The following PEX13 variants were observed in gnomAD, a reference collection of about 807,000 sequenced individuals.
PEX13 encodes peroxisomal biogenesis factor 13.
Under a neutral mutation model 34.5 loss-of-function variants are expected in PEX13, and 28 were observed. The ratio of observed to expected loss-of-function variants is 0.81; its 90% confidence interval spans 0.60 to 1.11. The LOEUF (loss-of-function observed/expected upper bound fraction) is 1.11. Among genes scored for constraint, PEX13 ranks in the 50% most tolerant of loss-of-function variants. The pLI is 0.00. For missense variants in PEX13, 550 were observed against 491.0 expected (o/e 1.12, Z -1.13); for synonymous variants, 177 against 175.1 (o/e 1.01, Z -0.09).
chr2:61,032,254 A>G, intron 2 of PEX13, 141 bp downstream of exon 2: 3 of 672,408 alleles, frequency 4.5e-6, no homozygotes. Flanking sequence ...AAACTGGCAG[A>G]GGAATATATA....
intron 1 of PEX13, chr2:61,018,116 A>T: frequency 6.5e-7 from 1 of 1,547,104 alleles, no homozygotes; most frequent in Non-Finnish European, 8.7e-7. Context: ...GCTTGAAAGA[A>T]AGGGGGGCGG....
intron 1 of PEX13, among the ~76,000 whole-genome samples, chr2:61,020,945 A>G (rs1211543235): frequency 6.6e-6 from 1 of 152,180 alleles, no homozygotes; most frequent in Non-Finnish European, 1.5e-5. Context: ...GTGAGTCACT[A>G]TGCCCAGCCC....
intron 2 of PEX13, among the ~76,000 whole-genome samples, chr2:61,037,464 ACACT>A (rs1559039760): frequency 1.3e-5 from 2 of 152,080 alleles, no homozygotes. Flanking sequence ...GGATTAATAA[ACACT>A]CAAAACCACA....
At chr2:61,017,879 G>C in intron 1 of PEX13, 28 bp downstream of exon 1, 1 of 1,543,840 alleles carries the variant, frequency 6.5e-7, no homozygotes, top group Non-Finnish European at 8.8e-7. Flanking sequence ...CAGGCTGTGA[G>C]TTTAGTGGGC....
intron 2 of PEX13, among the ~76,000 whole-genome samples, chr2:61,044,149 T>G (rs572916357): frequency 6.6e-6 from 1 of 152,266 alleles, no homozygotes; most frequent in South Asian, 2.1e-4. Flanking sequence ...GAGATTCCAC[T>G]GTGTTGCTCA....
At chr2:61,019,070 C>T (rs918397629) in intron 1 of PEX13, 2 of 152,270 alleles carry the variant, frequency 1.3e-5, no homozygotes, top group East Asian at 3.7e-4. Context: ...TAAACTCTCC[C>T]ATTCTTCTTT....
intron 1 of PEX13, chr2:61,018,972 A>G (rs958243038): frequency 1.3e-5 from 2 of 152,320 alleles, no homozygotes; most frequent in African/African-American, 4.8e-5. Flanking sequence ...AGTAGAGAGT[A>G]AGATAATACC....
rs886056195 is a variant in PEX13, at chr2:61,017,748, G to A, written c.-12G>A. The A allele has an allele frequency of 3.9e-6, 6 of 1,548,264 alleles. No individual in the cohort carries two copies. The highest frequency in any genetic ancestry group is 5.2e-6 in the Non-Finnish European group (6 of 1,145,904). ...CAGGGGTAGGAGCGGGAGCCGAGAG[G>A]AGGCGGAGGAGATGGCGTCCCAGCC... On this transcript the variant is annotated 5_prime_UTR_variant, in exon 1 of 4. Transcript: ENST00000295030.
At chr2:61,047,236 A>C (rs1350892607) in intron 3 of PEX13, among the ~76,000 whole-genome samples, 1 of 151,842 alleles carries the variant, frequency 6.6e-6, no homozygotes, top group Non-Finnish European at 1.5e-5. Context: ...GCTCACTGCA[A>C]CCTCCGCCTC....
intron 2 of PEX13, among the ~76,000 whole-genome samples, chr2:61,033,973 G>GT (rs70959890): frequency 1.5e-4 from 22 of 150,548 alleles, no homozygotes; most frequent in Admixed American, 1.2e-3. Context: ...TGACTTAGGT[G>GT]TTTTTTTTTG....
intron 2 of PEX13, among the ~76,000 whole-genome samples, chr2:61,038,234 A>C (rs1044642950): frequency 6.6e-6 from 1 of 152,232 alleles, no homozygotes; most frequent in Non-Finnish European, 1.5e-5. Context: ...AAAAAGAGGG[A>C]ATCCTCCCTA....
intron 1 of PEX13, among the ~76,000 whole-genome samples, chr2:61,020,556 T>G (rs1251019715): frequency 1.3e-5 from 2 of 152,216 alleles, no homozygotes; most frequent in African/African-American, 4.8e-5. Context: ...TTCTGAAGTT[T>G]TACTGTTAAA....
In PEX13 at chr2:61,045,780, AT is replaced by A; in HGVS notation, c.843del (p.Tyr281Ter). ...GACCATGTAGTTGCCAGAGCAGAAT[AT>A]GATTTTGCTGCCGTATCTGAAGAAG... Reference protein sequence around the residue: ...EDDHVVARAEYDFAAVSEEEI... With the variant: ...EDDHVVARAEXDFAAVSEEEI... On this transcript the variant is annotated frameshift_variant, in exon 3 of 4. Coordinates refer to ENST00000295030, the MANE Select transcript of PEX13 (RefSeq NM_002618.4). LOFTEE classifies it high-confidence loss of function. The A allele has an allele frequency of 6.2e-7, 1 of 1,611,230 alleles. No individual in the cohort carries two copies.
intron 1 of PEX13, among the ~76,000 whole-genome samples, chr2:61,021,034 T>C (rs1176801549): frequency 6.6e-6 from 1 of 152,220 alleles, no homozygotes; most frequent in South Asian, 2.1e-4. Flanking sequence ...GACCATTGTA[T>C]GTATTTTCGC....
chr2:61,027,220 C>T (rs1327385775), intron 1 of PEX13, among the ~76,000 whole-genome samples: 7 of 150,766 alleles, frequency 4.6e-5, no homozygotes, highest in Non-Finnish European at 1.0e-4. Flanking sequence ...CGCCTGTAGT[C>T]CCAGCTACTT....
chr2:61,033,826 G>A (rs1391399311), intron 2 of PEX13, among the ~76,000 whole-genome samples: 3 of 152,186 alleles, frequency 2.0e-5, no homozygotes, highest in African/African-American at 4.8e-5. Flanking sequence ...AAGGAGGCCA[G>A]TGTGATTGGA....
In PEX13 at chr2:61,047,357, T is replaced by C. The variant is rs570970004; in HGVS notation, c.914-1115T>C. Among the ~76,000 whole-genome samples the C allele has an allele frequency of 5.3e-5, 8 of 152,228 alleles. No individual in the cohort carries two copies. The South Asian group carries it at 1.7e-3, about 32-fold the overall frequency. ...TTTTAGTAGAGACAGGCGTTCACCA[T>C]GTTGGTCAGGCTGGTCTCGAACTCC... On this transcript the variant is annotated intron_variant, in intron 3 of 3. Transcript: ENST00000295030.
chr2:61,041,201 T>C (rs1056366844), intron 2 of PEX13, among the ~76,000 whole-genome samples: 5 of 152,124 alleles, frequency 3.3e-5, no homozygotes, highest in African/African-American at 1.2e-4. Context: ...TGGTGGTGCA[T>C]GCCTATAGTC....
At chr2:61,032,576 A>G (rs1352212192) in intron 2 of PEX13, among the ~76,000 whole-genome samples, 1 of 152,184 alleles carries the variant, frequency 6.6e-6, no homozygotes, top group African/African-American at 2.4e-5. Flanking sequence ...AAGAGATAGG[A>G]ATTATCCTCA....
Sources: allele counts gnomAD v4.1 joint callset (sites outside exome capture counted in the v4.1 genomes callset), GRCh38; gene constraint gnomAD v4.1.1; transcripts MANE v1.5; gene names NCBI Gene and HGNC (gene_info 2026-07-23, HGNC 2026-07-21).